PTPRC: variants seen among roughly 807,000 people sequenced by gnomAD.
The protein encoded by PTPRC is protein tyrosine phosphatase receptor type C, also known as receptor-type tyrosine-protein phosphatase C.
PTPRC carries 44 observed loss-of-function variants against 155.9 expected under a neutral mutation model. The ratio of observed to expected loss-of-function variants is 0.28; its 90% CI spans 0.22 to 0.36. PTPRC has a LOEUF of 0.36. Ranked by LOEUF, PTPRC falls within the 10% of genes least tolerant of loss-of-function variation. The pLI is 1.00. For missense variants in PTPRC, 1,401 were observed against 1,564.6 expected, an observed-to-expected ratio of 0.90 and a Z score of 1.76; for synonymous variants, 525 against 533.1, an observed-to-expected ratio of 0.98 and a Z score of 0.21.
rs182165145 is a variant in PTPRC, at chr1:198,697,797, C to G, written c.298+888C>G. ...AAAACAAGCATATATAATACCATCA[C>G]AGAAATTTTGTTTAGGGTACATCAA... On this transcript the variant is annotated intron_variant, in intron 4 of 32. Transcript: ENST00000442510. Among the ~76,000 whole-genome samples the G allele has an allele frequency of 5.9e-5, 9 of 152,294 alleles. No individual in the cohort carries two copies. In the East Asian group the frequency reaches 1.7e-3, roughly 29 times the overall value.
intron 2 of PTPRC, among the ~76,000 whole-genome samples, chr1:198,644,913 C>T (rs1662853307): frequency 6.6e-6 from 1 of 151,704 alleles, no homozygotes; most frequent in Non-Finnish European, 1.5e-5. Context: ...GAAAAAGCCA[C>T]CTAACTGAAA....
At chr1:198,718,453 C>A in intron 14 of PTPRC, 151 bp downstream of exon 14, 1 of 741,694 alleles carries the variant, frequency 1.3e-6, no homozygotes, top group Non-Finnish European at 2.2e-6. Flanking sequence ...AAATATTTGA[C>A]TCTAAAATTT....
chr1:198,745,312 T>A (rs1655089919), intron 26 of PTPRC, among the ~76,000 whole-genome samples: 1 of 151,822 alleles, frequency 6.6e-6, no homozygotes, highest in Non-Finnish European at 1.5e-5. Flanking sequence ...AGATCACAGA[T>A]GGAAGCTGTG....
intron 2 of PTPRC, among the ~76,000 whole-genome samples, chr1:198,678,274 T>C (rs1665077724): frequency 6.6e-6 from 1 of 152,228 alleles, no homozygotes; most frequent in African/African-American, 2.4e-5. Flanking sequence ...TCAAAATGAC[T>C]GAAGGTGATA....
At chr1:198,706,651 G>T in intron 8 of PTPRC, 83 bp from the exon 9 acceptor site, 1 of 1,443,194 alleles carries the variant, frequency 6.9e-7, no homozygotes, top group East Asian at 2.3e-5. Context: ...TATTTGGTTA[G>T]TTGATTTGAT....
At chr1:198,673,045 C>T (rs2102299625) in intron 2 of PTPRC, among the ~76,000 whole-genome samples, 1 of 152,234 alleles carries the variant, frequency 6.6e-6, no homozygotes, top group East Asian at 1.9e-4. Context: ...CCAGGAAGAA[C>T]AACTTTTTCT....
At chr1:198,695,202 T>C (rs775018502) in intron 3 of PTPRC, 87 of 874,234 alleles carry the variant, frequency 1.0e-4, no homozygotes, top group Non-Finnish European at 1.1e-4. Flanking sequence ...TCTCTAGTAA[T>C]ATTGCAATTT....
intron 17 of PTPRC, 113 bp from the exon 18 acceptor site, chr1:198,731,504 G>A: frequency 1.3e-6 from 1 of 770,892 alleles, no homozygotes; most frequent in Admixed American, 1.9e-5. Context: ...GATGAAATGT[G>A]TACGAGGAGG....
intron 3 of PTPRC, among the ~76,000 whole-genome samples, chr1:198,696,205 G>GAT (rs373697759): frequency 0.013 from 1,922 of 148,188 alleles, 46 homozygotes; most frequent in African/African-American, 0.037. Context: ...TTTTTTCATG[G>GAT]ATATATATAT....
chr1:198,731,595 T>C (rs542317041), intron 17 of PTPRC, 22 bp from the exon 18 acceptor site: 7 of 1,548,328 alleles, frequency 4.5e-6, no homozygotes, highest in East Asian at 2.3e-5. Flanking sequence ...TAACTAGTAT[T>C]GAATCTTTAA....
At chr1:198,729,779 T>C (rs746823071) in intron 17 of PTPRC, among the ~76,000 whole-genome samples, 1 of 152,154 alleles carries the variant, frequency 6.6e-6, no homozygotes, top group African/African-American at 2.4e-5. Context: ...ATTTGATACA[T>C]GCCCTAGTAG....
chr1:198,750,690 G>A, intron 29 of PTPRC, 64 bp downstream of exon 29: 3 of 1,578,528 alleles, frequency 1.9e-6, no homozygotes, highest in Non-Finnish European at 2.6e-6. Flanking sequence ...TCTAGTCTTG[G>A]ATTGCTTGCT....
chr1:198,676,122 A>C (rs539929530), intron 2 of PTPRC, among the ~76,000 whole-genome samples: 17 of 152,392 alleles, frequency 1.1e-4, no homozygotes, highest in African/African-American at 3.8e-4. Flanking sequence ...TTTAATAACT[A>C]AGTCAAGCCA....
chr1:198,694,558 G>A, intron 3 of PTPRC: 2 of 988,470 alleles, frequency 2.0e-6, no homozygotes, highest in African/African-American at 3.5e-5. Context: ...ACGATAAAGG[G>A]AACTTGTTGA....
chr1:198,707,431 TA>T (rs1653042925), intron 9 of PTPRC, among the ~76,000 whole-genome samples: 1 of 136,932 alleles, frequency 7.3e-6, no homozygotes, highest in Admixed American at 7.1e-5. Context: ...TTTTGTCAGC[TA>T]AGCTACTGCT....
intron 15 of PTPRC, among the ~76,000 whole-genome samples, chr1:198,724,676 TTCTCTCTCTC>T (rs59471727): frequency 5.4e-5 from 8 of 148,660 alleles, no homozygotes; most frequent in Admixed American, 2.0e-4. Context: ...TCCATCCTGA[TTCTCTCTCTC>T]TCTCTCTCTC....
At chr1:198,672,573 G>T (rs747449367) in intron 2 of PTPRC, among the ~76,000 whole-genome samples, 11 of 151,846 alleles carry the variant, frequency 7.2e-5, no homozygotes, top group Admixed American at 2.6e-4. Context: ...GGGTTCAAGC[G>T]ACTCTCCTGT....
At chr1:198,673,119 C>T (rs1356341341) in intron 2 of PTPRC, among the ~76,000 whole-genome samples, 1 of 151,790 alleles carries the variant, frequency 6.6e-6, no homozygotes, top group Non-Finnish European at 1.5e-5. Flanking sequence ...AAAGACTAAT[C>T]GTCTTCCTTT....
intron 11 of PTPRC, among the ~76,000 whole-genome samples, chr1:198,712,021 A>G (rs1303266136): frequency 6.6e-6 from 1 of 152,238 alleles, no homozygotes; most frequent in African/African-American, 2.4e-5. Context: ...CACTCCAGGT[A>G]TTTACCAAAG....
Sources: gnomAD v4.1 joint callset for allele counts (sites outside exome capture counted in the v4.1 genomes callset) on GRCh38, gnomAD v4.1.1 for gene constraint, MANE v1.5 for transcripts, NCBI Gene and HGNC (gene_info 2026-07-23, HGNC 2026-07-21) for gene names.